ATG5: variants seen among roughly 807,000 people sequenced by gnomAD.
ATG5 encodes autophagy protein 5.
ATG5 carries 14 observed loss-of-function variants against 36.5 expected under a neutral mutation model. That is an observed-to-expected ratio of 0.38 (90% CI 0.25 to 0.60). ATG5 has a LOEUF of 0.60. ATG5 is among the 20% of genes least tolerant of loss of function. The pLI is 0.60. For synonymous variants in ATG5, 95 were observed against 101.5 expected (o/e 0.94, Z 0.38); for missense variants, 195 against 326.7 (o/e 0.60, Z 3.11).
At chr6:106,217,443 T>A (rs1777083784) in intron 6 of ATG5, 1 of 152,202 alleles carries the variant, frequency 6.6e-6, no homozygotes, top group African/African-American at 2.4e-5. Flanking sequence ...AAAATGTCCT[T>A]ACTAACAAAT....
At chr6:106,221,707 G>GAA (rs1777258510) in intron 6 of ATG5, among the ~76,000 whole-genome samples, 1 of 135,210 alleles carries the variant, frequency 7.4e-6, no homozygotes, top group Non-Finnish European at 1.6e-5. Context: ...AAAAAAGAAA[G>GAA]AAAGAAAAAA....
chr6:106,324,917 G>A (rs1771231918), intron 1 of ATG5, among the ~76,000 whole-genome samples: 1 of 152,172 alleles, frequency 6.6e-6, no homozygotes, highest in Non-Finnish European at 1.5e-5. Flanking sequence ...TTCAGCTACT[G>A]TCTGGTAAGT....
chr6:106,259,821 T>TG (rs1418074375), intron 5 of ATG5, among the ~76,000 whole-genome samples: 1 of 152,194 alleles, frequency 6.6e-6, no homozygotes, highest in Admixed American at 6.5e-5. Flanking sequence ...AAAAAATAGT[T>TG]GCAAAAGCAC....
chr6:106,298,553 T>TA (rs746473711), intron 3 of ATG5, among the ~76,000 whole-genome samples: 6 of 148,602 alleles, frequency 4.0e-5, no homozygotes, highest in Non-Finnish European at 3.0e-5. Flanking sequence ...TCCATCTCCA[T>TA]AAAAAAAATA....
intron 4 of ATG5, among the ~76,000 whole-genome samples, chr6:106,281,582 A>G (rs957543747): frequency 2.0e-5 from 3 of 152,232 alleles, no homozygotes; most frequent in Admixed American, 6.5e-5. Flanking sequence ...AAACTTGTTA[A>G]TAGACACTGG....
chr6:106,249,508 A>G (rs909891827), intron 5 of ATG5, among the ~76,000 whole-genome samples: 1 of 152,174 alleles, frequency 6.6e-6, no homozygotes, highest in Non-Finnish European at 1.5e-5. Context: ...CTGACATTTA[A>G]GTAGTTTCCG....
intron 6 of ATG5, among the ~76,000 whole-genome samples, chr6:106,216,981 T>C (rs978211768): frequency 2.0e-5 from 3 of 151,980 alleles, no homozygotes; most frequent in Non-Finnish European, 4.4e-5. Context: ...AAAGTTATCA[T>C]ATGGGTGGCA....
intron 3 of ATG5, among the ~76,000 whole-genome samples, chr6:106,301,797 T>C (rs920126259): frequency 6.6e-6 from 1 of 152,088 alleles, no homozygotes; most frequent in Admixed American, 6.5e-5. Flanking sequence ...GTCCCAACCA[T>C]TTTGGATAAA....
intron 1 of ATG5, among the ~76,000 whole-genome samples, chr6:106,318,280 T>G (rs975800885): frequency 3.3e-5 from 5 of 152,156 alleles, no homozygotes; most frequent in Admixed American, 6.6e-5. Flanking sequence ...ATCATGCATG[T>G]GAGTGTGGCT....
Position 106,295,613 on chromosome 6 carries a change from G to A in ATG5, c.237-2507C>T, listed in dbSNP as rs552086287. On this transcript the variant is annotated intron_variant, in intron 3 of 7. Transcript: ENST00000369076. ...GGGTCTTACTCTGTAACCTAGGCTGGAGTGCAGTGGTGCAGTCAGAGCTCA... is the reference window on the plus strand; with the variant it reads ...GGGTCTTACTCTGTAACCTAGGCTGAAGTGCAGTGGTGCAGTCAGAGCTCA... Among the ~76,000 whole-genome samples the A allele has an allele frequency of 2.0e-5, 3 of 151,356 alleles. No homozygotes were observed. In the East Asian group the frequency reaches 5.8e-4, roughly 29 times the overall value.
Position 106,297,752 on chromosome 6 carries a change from AC to A in ATG5, c.237-4647del, listed in dbSNP as rs1770020437. Among the ~76,000 whole-genome samples the A allele has an allele frequency of 2.8e-5, 4 of 142,044 alleles. No homozygotes were observed. The South Asian group carries it at 9.0e-4, about 32-fold the overall frequency. 93.2% of individuals were successfully genotyped at this position (142,044 alleles called of 152,430 possible). A position where few individuals can be genotyped will look rare whatever the true frequency, so the allele number is the denominator to read the frequency against. On this transcript the variant is annotated intron_variant, in intron 3 of 7. Coordinates refer to ENST00000369076, the MANE Select transcript of ATG5 (RefSeq NM_004849.4). ...CACACACACACACACACACACACAC[AC>A]ACACACACACACATATATATTTTAA...
chr6:106,247,996 A>G (rs1198884986), intron 6 of ATG5, among the ~76,000 whole-genome samples, 154 bp downstream of exon 6: 1 of 152,236 alleles, frequency 6.6e-6, no homozygotes, highest in East Asian at 1.9e-4. Flanking sequence ...TCAGTGCGGT[A>G]TCTGACTTGA....
chr6:106,190,899 T>C (rs1352168798), intron 7 of ATG5, among the ~76,000 whole-genome samples: 2 of 152,106 alleles, frequency 1.3e-5, no homozygotes, highest in Non-Finnish European at 2.9e-5. Flanking sequence ...TACAATAATA[T>C]AAATGAGACA....
chr6:106,310,250 T>C (rs766471609), intron 2 of ATG5, among the ~76,000 whole-genome samples: 2 of 152,146 alleles, frequency 1.3e-5, no homozygotes, highest in Non-Finnish European at 2.9e-5. Flanking sequence ...ACTGTAATTT[T>C]AAAAGAATAC....
intron 3 of ATG5, among the ~76,000 whole-genome samples, chr6:106,297,768 ATATATTT>A (rs757295157): frequency 8.3e-6 from 1 of 121,050 alleles, no homozygotes; most frequent in Non-Finnish European, 1.8e-5. Flanking sequence ...ACACACACAT[ATATATTT>A]TAAAGTTCAT....
At chr6:106,208,776 G>A (rs1029688665) in intron 6 of ATG5, among the ~76,000 whole-genome samples, 1 of 152,112 alleles carries the variant, frequency 6.6e-6, no homozygotes, top group Non-Finnish European at 1.5e-5. Flanking sequence ...CCATATTTCC[G>A]AGAAAGGTCT....
rs532312923 is a variant in ATG5, at chr6:106,249,035, G to A, written c.479-791C>T. Reference sequence around the variant, plus strand: ...AAGCTTTGAAAGAAACATGGAACTGGCACTTATGAAGTGCCAACTGCAGCT... The same window carrying A: ...AAGCTTTGAAAGAAACATGGAACTGACACTTATGAAGTGCCAACTGCAGCT... On this transcript the variant is annotated intron_variant, in intron 5 of 7. Coordinates refer to ENST00000369076, the MANE Select transcript of ATG5 (RefSeq NM_004849.4). Among the ~76,000 whole-genome samples, 38 of 152,238 alleles carry A rather than the reference G, an allele frequency of 2.5e-4. No homozygotes were observed. The South Asian group carries it at 7.7e-3, about 31-fold the overall frequency.
intron 5 of ATG5, among the ~76,000 whole-genome samples, chr6:106,259,312 T>C (rs1405715799): frequency 3.3e-5 from 5 of 152,182 alleles, no homozygotes; most frequent in African/African-American, 1.2e-4. Flanking sequence ...GTGATATACA[T>C]AGTGTATCCT....
chr6:106,297,616 T>C (rs1315942367), intron 3 of ATG5, among the ~76,000 whole-genome samples: 1 of 151,984 alleles, frequency 6.6e-6, no homozygotes, highest in Non-Finnish European at 1.5e-5. Flanking sequence ...GAAATGAAAA[T>C]GTAAATTTGC....
Sources: gnomAD v4.1 joint callset for allele counts (sites outside exome capture counted in the v4.1 genomes callset) on GRCh38, gnomAD v4.1.1 for gene constraint, MANE v1.5 for transcripts, NCBI Gene and HGNC (gene_info 2026-07-23, HGNC 2026-07-21) for gene names.